Variants in BCL3 observed in about 807,000 individuals in gnomAD.
The protein encoded by BCL3 is BCL3 transcription coactivator.
Under a neutral mutation model 35.7 loss-of-function variants are expected in BCL3, and 15 were observed. That is an observed-to-expected ratio of 0.42 (90% CI 0.28 to 0.65). The LOEUF is 0.65. Ranked by LOEUF, BCL3 falls within the 30% of genes least tolerant of loss-of-function variation. The pLI is 0.22. For synonymous variants in BCL3, 311 were observed against 284.3 expected (o/e 1.09, Z -0.95); for missense variants, 565 against 641.7 (o/e 0.88, Z 1.29).
chr19:44,749,025 C>A lies in BCL3; in HGVS notation c.235C>A (p.Pro79Thr). 7.3e-7 allele frequency: 1 copy of A among 1,361,260 alleles called. No individual in the cohort carries two copies. The highest frequency in any genetic ancestry group is 9.4e-7 in the Non-Finnish European group (1 of 1,059,272). 84.3% of individuals were successfully genotyped at this position (1,361,260 alleles called of 1,614,324 possible). Residue 79 changes from proline (P) to threonine (T), a missense_variant, in exon 1 of 9, where the codon CCG becomes ACG. Around this residue, in one of 5 missense-constraint regions of BCL3, gnomAD observed 267 missense variants for 281.5 expected, o/e 0.95. Coordinates refer to ENST00000164227, the MANE Select transcript of BCL3 (RefSeq NM_005178.5). ...VPGPPHGLAR[P>T]EALYYPGALL... ...CGGGCCCCCCCACGGCCTGGCCCGG[C>A]CGGAGGCGCTTTACTACCCCGGTGA... is the stretch of plus-strand genomic sequence containing the variant.
In BCL3 at chr19:44,758,233, T is replaced by TC; in HGVS notation, c.892-10dup. 6.8e-7 allele frequency: 1 copy of TC among 1,470,678 alleles called. No individual in the cohort carries two copies. The highest frequency in any genetic ancestry group is 8.9e-7 in the Non-Finnish European group (1 of 1,120,860). 91.1% of individuals were successfully genotyped at this position (1,470,678 alleles called of 1,614,324 possible). ...CCCGCGCGCCCTCCTGACCCGGCCC[T>TC]CCCGTCCCGCAGCACGGCGCCAACG... On this transcript the variant is annotated splice_polypyrimidine_tract_variant and intron_variant, in intron 6 of 8. Coordinates refer to ENST00000164227, the MANE Select transcript of BCL3 (RefSeq NM_005178.5).
intron 6 of BCL3, among the ~76,000 whole-genome samples, chr19:44,758,010 C>G (rs556757336): frequency 1.3e-5 from 2 of 152,228 alleles, no homozygotes; most frequent in South Asian, 2.1e-4. Context: ...TTGTCCTTCC[C>G]CCCTCCAGCT....
At chr19:44,753,477 C>T (rs948657257) in intron 2 of BCL3, among the ~76,000 whole-genome samples, 1 of 152,228 alleles carries the variant, frequency 6.6e-6, no homozygotes, top group African/African-American at 2.4e-5. Context: ...AACTTGACCG[C>T]AACCCAGCTG....
chr19:44,748,288 G>C (rs1395885429), upstream of BCL3, among the ~76,000 whole-genome samples: 1 of 152,182 alleles, frequency 6.6e-6, no homozygotes, highest in African/African-American at 2.4e-5. Flanking sequence ...GACAAACGCG[G>C]GGTTGCGGAG....
chr19:44,753,070 C>T (rs1226818292), intron 2 of BCL3, among the ~76,000 whole-genome samples: 1 of 152,158 alleles, frequency 6.6e-6, no homozygotes. Flanking sequence ...AGATCTTGTA[C>T]ACATGTATTA....
At position 44,749,015 on chromosome 19, in the gene BCL3, C is replaced by T. The variant is rs754270266; in HGVS notation, c.225C>T (p.Gly75=). The stretch of plus-strand genomic sequence containing the variant: ...CGGCGGTCCCCGGGCCCCCCCACGG[C>T]CTGGCCCGGCCGGAGGCGCTTTACT... ...DLPAVPGPPH[G]LARPEALYYP... is the part of the protein sequence containing the mutation. Residue 75 remains glycine, a synonymous_variant, in exon 1 of 9, where the codon GGC becomes GGT. Transcript: ENST00000164227. 7.3e-7 allele frequency: 1 copy of T among 1,376,700 alleles called. No individual in the cohort carries two copies. The highest frequency in any genetic ancestry group is 3.1e-5 in the Admixed American group (1 of 32,456). 85.3% of individuals were successfully genotyped at this position (1,376,700 alleles called of 1,614,324 possible). A position where few individuals can be genotyped will look rare whatever the true frequency, so the allele number is the denominator to read the frequency against.
At position 44,757,253 on chromosome 19, in the gene BCL3, G is replaced by A; in HGVS notation, c.724+32G>A. On this transcript the variant is annotated intron_variant, in intron 4 of 8. Transcript: ENST00000164227. The surrounding 1 kb of genome is among the most constrained non-coding windows in gnomAD (Gnocchi z 8.4). ...ATTTACCGCGGGGCACCGCTGGGCT[G>A]TCCAGCGGACCTGGAGTCCATCAGC... 6.4e-7 allele frequency: 1 copy of A among 1,554,034 alleles called. No homozygotes were observed. Among genetic ancestry groups the A allele is most frequent in the African/African-American group, 1.4e-5 (1 of 73,272 alleles).
chr19:44,753,599 G>A (rs1490608684), intron 2 of BCL3, among the ~76,000 whole-genome samples: 1 of 152,192 alleles, frequency 6.6e-6, no homozygotes, highest in Non-Finnish European at 1.5e-5. Flanking sequence ...GGAACGGGCA[G>A]CGGCCCGGCC....
rs1230114214 is a variant in BCL3, at chr19:44,758,826, C to T, written c.1162C>T (p.Arg388Cys). 2.5e-6 allele frequency: 4 copies of T among 1,599,420 alleles called. No homozygotes were observed. Among genetic ancestry groups the T allele is most frequent in the Non-Finnish European group, 3.4e-6 (4 of 1,174,198 alleles). ...CAACACCTCCCCCGAGAGCAGCAGC[C>T]GCCTCAGCTCCAATGGTGAGAAACC... ...SANTSPESSS[R>C]LSSNGLLSAS... The change falls in exon 8 of 9, where the codon CGC becomes TGC. Residue 388 changes from arginine to cysteine, a missense_variant. This residue lies in a region of BCL3 where 151 missense variants were observed against 138.1 expected (regional missense o/e 1.09). Transcript: ENST00000164227.
chr19:44,756,196 C>T (rs746810452), intron 2 of BCL3, 36 bp from the exon 3 acceptor site: 1 of 1,383,602 alleles, frequency 7.2e-7, no homozygotes, highest in Non-Finnish European at 9.5e-7. Context: ...TGAACAACCC[C>T]TAATGCCTGT....
chr19:44,756,051 T>C, intron 2 of BCL3, 181 bp from the exon 3 acceptor site: 1 of 410,126 alleles, frequency 2.4e-6, no homozygotes, highest in South Asian at 7.4e-5. Context: ...CAGTGGTGGC[T>C]AAAGCAGGAT....
intron 2 of BCL3, among the ~76,000 whole-genome samples, chr19:44,754,392 C>A (rs1435736533): frequency 1.3e-5 from 2 of 152,158 alleles, no homozygotes; most frequent in Non-Finnish European, 2.9e-5. Flanking sequence ...ACTCCCTTCC[C>A]CCGCCCCATT....
At chr19:44,748,209 G>C (rs1299438975), upstream of BCL3, 1 of 573,706 alleles carries the variant, frequency 1.7e-6, no homozygotes, top group Admixed American at 3.3e-5. Flanking sequence ...CAGCAACTGA[G>C]AGGCAGAGAG....
rs199760960 is a variant in BCL3 at position 44,756,386 on chromosome 19, G to A, written c.519+46G>A. 1,465 of 1,325,488 alleles carry A rather than the reference G, an allele frequency of 1.1e-3. 1 individual carries two copies. The highest frequency in any genetic ancestry group is 1.2e-3 in the Non-Finnish European group (1,232 of 1,009,610). The allele number at this position is 1,325,488 out of a possible 1,614,324, so 82.1% of individuals were successfully genotyped here. On this transcript the variant is annotated intron_variant, in intron 3 of 8. Coordinates refer to ENST00000164227, the MANE Select transcript of BCL3 (RefSeq NM_005178.5). ...GGAGGGCTGGGGCCTGGACTCCTGG[G>A]TCTGACAGAGGAGGGGCTGGGGGCC...
At position 44,757,739 on chromosome 19, in the gene BCL3, C is replaced by G. The variant is rs750553942; in HGVS notation, c.891+16C>G. 6.2e-7 allele frequency: 1 copy of G among 1,612,224 alleles called. No individual in the cohort carries two copies. The highest frequency in any genetic ancestry group is 8.5e-7 in the Non-Finnish European group (1 of 1,178,822). On this transcript the variant is annotated intron_variant, in intron 6 of 8. Coordinates refer to ENST00000164227, the MANE Select transcript of BCL3 (RefSeq NM_005178.5). The surrounding 1 kb of genome is among the most constrained non-coding windows in gnomAD (Gnocchi z 8.4). Reference sequence around the variant, plus strand: ...GCTGCTGCAGGTGCGTACAGCCCCCCTGAGCCTCGCGCCCACCCTATCCTC... The same window carrying G: ...GCTGCTGCAGGTGCGTACAGCCCCCGTGAGCCTCGCGCCCACCCTATCCTC...
At chr19:44,758,157 G>C (rs995256226) in intron 6 of BCL3, 89 bp from the exon 7 acceptor site, 3 of 1,328,370 alleles carry the variant, frequency 2.3e-6, no homozygotes, top group African/African-American at 1.5e-5. Context: ...GCCGCCCCAC[G>C]TGCCGGCCAC....
rs1568547943 is a variant in BCL3, at chr19:44,759,712, C to CT, written c.*97_*98insT. On this transcript the variant is annotated 3_prime_UTR_variant, in exon 9 of 9. Transcript: ENST00000164227. ...AACTGTGAAGATCTCACTCTGCCCC[C>CT]CCCCCCCATCTTCGGGACCAGGATT... The CT allele has an allele frequency of 1.6e-6, 1 of 614,512 alleles. No individual in the cohort carries two copies. The highest frequency in any genetic ancestry group is 3.3e-5 in the East Asian group (1 of 30,242). The allele number at this position is 614,512 out of a possible 1,614,324, so 38.1% of individuals were successfully genotyped here.
chr19:44,756,315 T>C lies in BCL3; in HGVS notation c.494T>C (p.Leu165Pro). ...CTCTTCCAGCAGGGGGGCCGGGAGC[T>C]CGACATCTACAACAACCTACGGCAG... Reference protein sequence around the residue: ...VNLFQQGGRELDIYNNLRQTP... With the variant: ...VNLFQQGGREPDIYNNLRQTP... Residue 165 changes from leucine (L) to proline (P), a missense_variant, in exon 3 of 9, where the codon CTC (leucine) becomes CCC (proline). Physicochemically the swap from Leu to Pro is moderately conservative, Grantham distance 98. Transcript: ENST00000164227. 1 of 1,537,030 alleles carries C rather than the reference T, an allele frequency of 6.5e-7. No individual in the cohort carries two copies. Among genetic ancestry groups the C allele is most frequent in the Non-Finnish European group, 8.8e-7 (1 of 1,137,356 alleles).
chr19:44,755,930 A>G (rs1967271372), intron 2 of BCL3, among the ~76,000 whole-genome samples: 1 of 149,384 alleles, frequency 6.7e-6, no homozygotes, highest in Non-Finnish European at 1.5e-5. Flanking sequence ...AACAAATAAA[A>G]TAAAATAAAA....
Sources: allele counts gnomAD v4.1 joint callset (sites outside exome capture counted in the v4.1 genomes callset), GRCh38; gene constraint gnomAD v4.1.1; regional missense constraint gnomAD v4.1.1; non-coding constraint Gnocchi (gnomAD v3.1); transcripts MANE v1.5; gene names NCBI Gene and HGNC (gene_info 2026-07-23, HGNC 2026-07-21).